Variants in ACAD10 observed in about 807,000 individuals in gnomAD.
The protein encoded by ACAD10 is ACAD-10.
Under a neutral mutation model 116.8 loss-of-function variants are expected in ACAD10, and 112 were observed. The observed-to-expected ratio is 0.96, with a 90% CI of 0.82 to 1.12. The LOEUF (loss-of-function observed/expected upper bound fraction) is 1.12, where lower values mean the gene tolerates loss of function less well. ACAD10 is among the 50% of genes most tolerant of loss of function. The pLI, the probability that ACAD10 is intolerant of heterozygous loss-of-function variation, is 0.00. For missense variants in ACAD10, 1,259 were observed against 1,350.2 expected (o/e 0.93, Z 1.06); for synonymous variants, 486 against 510.6 (o/e 0.95, Z 0.65).
In ACAD10 at chr12:111,746,424, G is replaced by A; in HGVS notation, c.2256+140G>A. 3.1e-6 allele frequency: 3 copies of A among 978,488 alleles called. No homozygotes were observed. In the African/African-American group the frequency reaches 5.2e-5, roughly 17 times the overall value. 60.6% of individuals were successfully genotyped at this position (978,488 alleles called of 1,614,324 possible). On this transcript the variant is annotated intron_variant, in intron 14 of 20. Coordinates refer to ENST00000313698, the MANE Select transcript of ACAD10 (RefSeq NM_025247.6). Reference sequence around the variant, plus strand: ...TTTTTTTGAGATGGAGTCTCGCTCTGTCACCCAGGCTGGAGTGTAGTGGCG... The same window carrying A: ...TTTTTTTGAGATGGAGTCTCGCTCTATCACCCAGGCTGGAGTGTAGTGGCG...
At chr12:111,689,397 C>T (rs1199349145) in intron 1 of ACAD10, among the ~76,000 whole-genome samples, 1 of 151,976 alleles carries the variant, frequency 6.6e-6, no homozygotes, top group African/African-American at 2.4e-5. Flanking sequence ...TGGAGTCTCA[C>T]TCTATAACCC....
chr12:111,702,324 ATACC>A lies in ACAD10; in HGVS notation c.336+18_336+21del. Reference sequence around the variant, plus strand: ...TGCTCTGAAATGGTGAGTGGTAAACATACCTACATTTCCATATTTTTCTTTTTGC... The same window carrying A: ...TGCTCTGAAATGGTGAGTGGTAAACATACATTTCCATATTTTTCTTTTTGC... On this transcript the variant is annotated intron_variant, in intron 3 of 20. Transcript: ENST00000313698. 1 of 1,608,858 alleles carries A rather than the reference ATACC, an allele frequency of 6.2e-7. No homozygotes were observed. Among genetic ancestry groups the A allele is most frequent in the Non-Finnish European group, 8.5e-7 (1 of 1,178,478 alleles).
chr12:111,730,899 G>A (rs1889368633), intron 10 of ACAD10, among the ~76,000 whole-genome samples: 1 of 152,010 alleles, frequency 6.6e-6, no homozygotes, highest in Admixed American at 6.6e-5. Context: ...TTACAGGTGT[G>A]CACCACCATG....
At chr12:111,693,596 A>C (rs1298116288) in intron 2 of ACAD10, among the ~76,000 whole-genome samples, 1 of 151,792 alleles carries the variant, frequency 6.6e-6, no homozygotes, top group African/African-American at 2.4e-5. Context: ...GAACTGTTCT[A>C]CTTCTGAAAT....
intron 7 of ACAD10, among the ~76,000 whole-genome samples, chr12:111,717,605 G>A (rs1888881680): frequency 6.9e-6 from 1 of 145,720 alleles, no homozygotes; most frequent in African/African-American, 2.6e-5. Flanking sequence ...TGTCACTATT[G>A]TCCAGGCTGG....
In ACAD10 at chr12:111,687,433, G is replaced by A. The variant is rs7308133; in HGVS notation, c.-14+1194G>A. Among the ~76,000 whole-genome samples the A allele has an allele frequency of 4.6e-3, 707 of 152,210 alleles. 7 individuals carry two copies. The highest frequency in any genetic ancestry group is 0.016 in the African/African-American group (646 of 41,506). On this transcript the variant is annotated intron_variant, in intron 1 of 20. Transcript: ENST00000313698. ...ACATCCCTGGCCTGACCCACTAGAT[G>A]TCAGTAGCACCTCTCCCCAGGTGGT...
At chr12:111,729,447 C>G (rs1889323875) in intron 9 of ACAD10, among the ~76,000 whole-genome samples, 1 of 152,198 alleles carries the variant, frequency 6.6e-6, no homozygotes, top group South Asian at 2.1e-4. Context: ...CCATGTTGGA[C>G]AGGCCAGTCT....
chr12:111,729,722 G>A, intron 9 of ACAD10, 84 bp from the exon 10 acceptor site: 1 of 1,520,652 alleles, frequency 6.6e-7, no homozygotes, highest in Non-Finnish European at 9.0e-7. Context: ...GCATGACAAA[G>A]GGTTTCACTG....
chr12:111,742,090 C>T (rs767556084), intron 12 of ACAD10, among the ~76,000 whole-genome samples: 1 of 152,130 alleles, frequency 6.6e-6, no homozygotes, highest in East Asian at 1.9e-4. Context: ...GTTAAGTGGA[C>T]ACCAGTGATG....
Position 111,727,972 on chromosome 12 carries a change from A to G in ACAD10, c.1072A>G (p.Thr358Ala). Residue 358 changes from threonine to alanine, a missense_variant, in exon 9 of 21, where the codon ACC (threonine) becomes GCC (alanine). Physicochemically the swap from Thr to Ala is moderately conservative, Grantham distance 58. Coordinates refer to ENST00000313698, the MANE Select transcript of ACAD10 (RefSeq NM_025247.6). Reference protein sequence around the residue: ...DLCEDSSVIGTPFYVMEYCPG... With the variant: ...DLCEDSSVIGAPFYVMEYCPG... ...CTGTGTTCCTCCCAGTGTCATTGGC[A>G]CCCCCTTCTATGTGATGGAGTACTG... is the stretch of plus-strand genomic sequence containing the variant. The G allele has an allele frequency of 6.2e-7, 1 of 1,608,758 alleles. No individual in the cohort carries two copies. The highest frequency in any genetic ancestry group is 8.5e-7 in the Non-Finnish European group (1 of 1,178,166).
At chr12:111,690,131 C>G (rs1447421248) in intron 1 of ACAD10, among the ~76,000 whole-genome samples, 1 of 152,158 alleles carries the variant, frequency 6.6e-6, no homozygotes, top group Non-Finnish European at 1.5e-5. Context: ...ACTTAAGAGT[C>G]CTTTCTCTAG....
intron 6 of ACAD10, among the ~76,000 whole-genome samples, 161 bp downstream of exon 6, chr12:111,712,818 T>A (rs541404552): frequency 6.6e-6 from 1 of 152,344 alleles, no homozygotes; most frequent in Admixed American, 6.5e-5. Context: ...CTTTCAGTTT[T>A]GCTTGGGAAA....
Position 111,692,810 on chromosome 12 carries a change from G to A in ACAD10, c.101G>A (p.Trp34Ter). The change falls in exon 2 of 21, where the codon TGG becomes TAG. Residue 34 changes from tryptophan to a stop codon, truncating the protein, a stop_gained. Transcript: ENST00000313698. LOFTEE classifies it high-confidence loss of function. ...CGCAGGCACCAGGGGTCCCACCGAT[G>A]GACACACCTTGGAGGCAGCACCTAC... ...TQRRHQGSHR[W>*]THLGGSTYRA... 6.2e-7 allele frequency: 1 copy of A among 1,614,222 alleles called. No homozygotes were observed. Among genetic ancestry groups the A allele is most frequent in the South Asian group, 1.1e-5 (1 of 91,084 alleles).
Position 111,744,639 on chromosome 12 carries a change from T to TTAG in ACAD10, c.1715-3_1715-1dup. ...AATCACTGTTTTTCTTTGATTCTGC[T>TTAG]TAGGGCAAGCAAGCTCCACATATGC... On this transcript the variant is annotated splice_region_variant and splice_polypyrimidine_tract_variant and intron_variant, in intron 12 of 20. Transcript: ENST00000313698. The TTAG allele has an allele frequency of 6.2e-7, 1 of 1,609,772 alleles. No individual in the cohort carries two copies. Among genetic ancestry groups the TTAG allele is most frequent in the Non-Finnish European group, 8.5e-7 (1 of 1,177,390 alleles).
At chr12:111,693,069 G>C in intron 2 of ACAD10, 173 bp downstream of exon 2, 2 of 646,696 alleles carry the variant, frequency 3.1e-6, no homozygotes, top group East Asian at 5.6e-5. Context: ...TTGGGCGCAT[G>C]ATTCAGCTTC....
intron 3 of ACAD10, among the ~76,000 whole-genome samples, chr12:111,704,829 A>C (rs910144729): frequency 6.6e-6 from 1 of 151,692 alleles, no homozygotes; most frequent in Admixed American, 6.6e-5. Flanking sequence ...CTGGGACTAC[A>C]GGTGCGTGCC....
Position 111,709,649 on chromosome 12 carries a change from A to C in ACAD10, c.655A>C (p.Lys219Gln). Residue 219 changes from lysine to glutamine, a missense_variant, in exon 5 of 21, where the codon AAA becomes CAA. Coordinates refer to ENST00000313698, the MANE Select transcript of ACAD10 (RefSeq NM_025247.6). ...IFLDDLGTNL[K>Q]EAARLGIHTI... ...TCTTGATGACCTTGGAACAAATCTA[A>C]AAGAAGCTGCCAGACTTGGTATTCA... 4 of 1,613,808 alleles carry C rather than the reference A, an allele frequency of 2.5e-6. No individual in the cohort carries two copies. The highest frequency in any genetic ancestry group is 3.4e-6 in the Non-Finnish European group (4 of 1,179,950).
chr12:111,749,399 T>C, intron 18 of ACAD10, 54 bp downstream of exon 18: 1 of 1,567,702 alleles, frequency 6.4e-7, no homozygotes, highest in Non-Finnish European at 8.7e-7. Context: ...CCTTCTGCTT[T>C]GCTGTCGGAC....
intron 1 of ACAD10, chr12:111,691,165 A>G (rs1888028859): frequency 1.3e-5 from 2 of 152,158 alleles, no homozygotes; most frequent in African/African-American, 4.8e-5. Context: ...ACGAGTGTAT[A>G]TAGGTATGCA....
Sources: allele counts gnomAD v4.1 joint callset (sites outside exome capture counted in the v4.1 genomes callset), GRCh38; gene constraint gnomAD v4.1.1; transcripts MANE v1.5; gene names NCBI Gene and HGNC (gene_info 2026-07-23, HGNC 2026-07-21).